Variants in ZNF507 observed in about 807,000 individuals in gnomAD.
The protein encoded by ZNF507 is zinc finger protein 507.
ZNF507 carries 29 observed loss-of-function variants against 80.0 expected under a neutral mutation model. The ratio of observed to expected loss-of-function variants is 0.36; its 90% confidence interval spans 0.27 to 0.49. The LOEUF is 0.49. ZNF507 is among the 20% of genes least tolerant of loss of function. The pLI, the probability that ZNF507 is intolerant of heterozygous loss-of-function variation, is 0.98. For missense variants in ZNF507, 1,081 were observed against 1,152.2 expected, an observed-to-expected ratio of 0.94 and a Z score of 0.90; for synonymous variants, 462 against 422.5, an observed-to-expected ratio of 1.09 and a Z score of -1.15.
At chr19:32,356,761 G>A (rs1355319281) in intron 4 of ZNF507, 28 bp downstream of exon 4, 13 of 1,548,856 alleles carry the variant, frequency 8.4e-6, no homozygotes, top group Non-Finnish European at 1.2e-5. Context: ...TATGCAGGCT[G>A]CAGTGACTTG....
At chr19:32,381,721 C>G (rs1247412980) in intron 5 of ZNF507, among the ~76,000 whole-genome samples, 2 of 152,120 alleles carry the variant, frequency 1.3e-5, no homozygotes, top group Non-Finnish European at 2.9e-5. Flanking sequence ...AATATAGATT[C>G]ATCATTTATA....
rs1967670160 is a variant in ZNF507, at chr19:32,384,982, T to C, written c.*1899T>C. Reference sequence around the variant, plus strand: ...ACATTTAAAATGATTTCATTATTATTACCCATACTGTTGCCACTCATATTG... The same window carrying C: ...ACATTTAAAATGATTTCATTATTATCACCCATACTGTTGCCACTCATATTG... On this transcript the variant is annotated 3_prime_UTR_variant, in exon 7 of 7. Coordinates refer to ENST00000355898, the MANE Select transcript of ZNF507 (RefSeq NM_001136156.2). 1.3e-5 allele frequency: 2 copies of C among 152,148 alleles called. No individual in the cohort carries two copies. The highest frequency in any genetic ancestry group is 4.8e-5 in the African/African-American group (2 of 41,450). 9.4% of individuals were successfully genotyped at this position (152,148 alleles called of 1,614,324 possible).
intron 5 of ZNF507, among the ~76,000 whole-genome samples, chr19:32,368,676 ATATT>A (rs1967431153): frequency 6.6e-6 from 1 of 152,210 alleles, no homozygotes; most frequent in Non-Finnish European, 1.5e-5. Flanking sequence ...GAAAAAATAT[ATATT>A]TTGTTTTGAA....
At chr19:32,365,939 T>C (rs1967392665) in intron 5 of ZNF507, among the ~76,000 whole-genome samples, 1 of 152,240 alleles carries the variant, frequency 6.6e-6, no homozygotes, top group African/African-American at 2.4e-5. Flanking sequence ...AAAATGGGTC[T>C]GATTCTATAA....
At chr19:32,373,808 C>T (rs1020455403) in intron 5 of ZNF507, among the ~76,000 whole-genome samples, 11 of 152,166 alleles carry the variant, frequency 7.2e-5, no homozygotes, top group Non-Finnish European at 1.5e-4. Context: ...TGCTGCACTT[C>T]GATTTTGTTG....
intron 5 of ZNF507, chr19:32,382,245 A>T (rs1289499325): frequency 7.2e-6 from 3 of 419,442 alleles, no homozygotes; most frequent in Non-Finnish European, 1.3e-5. Context: ...CTAATTCTTT[A>T]TAATATAAAA....
At chr19:32,381,683 T>A (rs1313511790) in intron 5 of ZNF507, among the ~76,000 whole-genome samples, 1 of 152,080 alleles carries the variant, frequency 6.6e-6, no homozygotes, top group East Asian at 1.9e-4. Context: ...TAATGTAAAC[T>A]ATGGACTTTT....
rs1166304302 is a variant in ZNF507, at chr19:32,383,260, CA to C, written c.*178del. On this transcript the variant is annotated 3_prime_UTR_variant, in exon 7 of 7. Coordinates refer to ENST00000355898, the MANE Select transcript of ZNF507 (RefSeq NM_001136156.2). ...ATAAAAGGAATTCCAAATGGACAAG[CA>C]GTAATGATATTTAAATATTTTGAGT... 4.7e-5 allele frequency: 36 copies of C among 767,184 alleles called. No individual in the cohort carries two copies. The highest frequency in any genetic ancestry group is 4.5e-4 in the Admixed American group (15 of 33,300). The allele number at this position is 767,184 out of a possible 1,614,324, so 47.5% of individuals were successfully genotyped here. A position where few individuals can be genotyped will look rare whatever the true frequency, so the allele number is the denominator to read the frequency against.
Position 32,354,141 on chromosome 19 carries a change from A to T in ZNF507, c.1311A>T (p.Gly437=), listed in dbSNP as rs1302644234. The change falls in exon 3 of 7, where the codon GGA becomes GGT. Residue 437 remains glycine, a synonymous_variant. Coordinates refer to ENST00000355898, the MANE Select transcript of ZNF507 (RefSeq NM_001136156.2). The part of the protein sequence containing the change: ...SLTEAQIGRE[G]MDDVYRADKC... ...CAGAAGCTCAGATTGGGCGCGAAGG[A>T]ATGGATGATGTTTATCGTGCTGATA... 1.2e-6 allele frequency: 2 copies of T among 1,613,280 alleles called. No individual in the cohort carries two copies. Among genetic ancestry groups the T allele is most frequent in the Admixed American group, 3.3e-5 (2 of 60,012 alleles).
At chr19:32,346,813 C>G (rs1967103388) in intron 1 of ZNF507, among the ~76,000 whole-genome samples, 1 of 152,142 alleles carries the variant, frequency 6.6e-6, no homozygotes, top group African/African-American at 2.4e-5. Flanking sequence ...TAGGTCACAC[C>G]ACTGTGTCAT....
intron 5 of ZNF507, among the ~76,000 whole-genome samples, chr19:32,368,601 C>T (rs570527611): frequency 6.6e-6 from 1 of 152,212 alleles, no homozygotes; most frequent in Non-Finnish European, 1.5e-5. Context: ...TAGGGAAAAA[C>T]TTAAGTCTTT....
Position 32,354,646 on chromosome 19 carries a change from G to T in ZNF507, c.1816G>T (p.Asp606Tyr). The T allele has an allele frequency of 6.2e-7, 1 of 1,614,142 alleles. No individual in the cohort carries two copies. The highest frequency in any genetic ancestry group is 1.1e-5 in the South Asian group (1 of 91,064). The change falls in exon 3 of 7, where the codon GAC becomes TAC. Residue 606 changes from aspartate to tyrosine, a missense_variant. Physicochemically the swap from Asp to Tyr is radical, Grantham distance 160. Coordinates refer to ENST00000355898, the MANE Select transcript of ZNF507 (RefSeq NM_001136156.2). ...GACAGACCAAAACGCTTCAGACGAT[G>T]ACATTTTGAAAGAGTTGCAGGACAA... Reference protein sequence around the residue: ...ERTDQNASDDDILKELQDNAQ... With the variant: ...ERTDQNASDDYILKELQDNAQ...
At chr19:32,355,227 G>A (rs35211217) in intron 3 of ZNF507, among the ~76,000 whole-genome samples, 1,933 of 152,304 alleles carry the variant, frequency 0.013, 48 homozygotes, top group African/African-American at 0.042. Flanking sequence ...ATTTTCTGTT[G>A]CAAGAGAATT....
chr19:32,371,203 G>A (rs550800344), intron 5 of ZNF507, among the ~76,000 whole-genome samples: 60 of 152,200 alleles, frequency 3.9e-4, no homozygotes, highest in Admixed American at 1.6e-3. Context: ...AGCCGGGCGC[G>A]GTGGCTCACG....
At chr19:32,378,372 G>C (rs552620493) in intron 5 of ZNF507, among the ~76,000 whole-genome samples, 5 of 152,100 alleles carry the variant, frequency 3.3e-5, no homozygotes, top group Non-Finnish European at 5.9e-5. Context: ...AGGCAAGTAG[G>C]AGAAATAATT....
chr19:32,350,923 T>C (rs1967154226), intron 2 of ZNF507, among the ~76,000 whole-genome samples: 1 of 152,128 alleles, frequency 6.6e-6, no homozygotes, highest in South Asian at 2.1e-4. Flanking sequence ...CCTAAAAATG[T>C]GGAATTCTAA....
At chr19:32,356,830 A>G (rs1243757032) in intron 4 of ZNF507, 97 bp downstream of exon 4, 3 of 875,810 alleles carry the variant, frequency 3.4e-6, no homozygotes, top group South Asian at 2.7e-5. Context: ...GCAAAAGCCT[A>G]TATTCTCCTC....
intron 5 of ZNF507, among the ~76,000 whole-genome samples, chr19:32,363,810 A>G (rs140569137): frequency 8.5e-5 from 13 of 152,332 alleles, no homozygotes; most frequent in African/African-American, 3.1e-4. Context: ...GTGCCAGGGT[A>G]GGCAGGCAGA....
intron 5 of ZNF507, among the ~76,000 whole-genome samples, chr19:32,374,228 T>A (rs1374230780): frequency 6.6e-6 from 1 of 151,828 alleles, no homozygotes; most frequent in Admixed American, 6.6e-5. Context: ...AGGCTTCTTC[T>A]TGTGTATTTT....
Sources: allele counts gnomAD v4.1 joint callset (sites outside exome capture counted in the v4.1 genomes callset), GRCh38; gene constraint gnomAD v4.1.1; transcripts MANE v1.5; gene names NCBI Gene and HGNC (gene_info 2026-07-23, HGNC 2026-07-21).